The following DENND4C variants were observed in gnomAD, a reference collection of about 807,000 sequenced individuals.
DENND4C encodes DENN domain-containing protein 4C.
In DENND4C, 108 loss-of-function variants were observed where a neutral mutation model predicts 203.0. That is an observed-to-expected ratio of 0.53 (90% CI 0.46 to 0.62). The LOEUF (loss-of-function observed/expected upper bound fraction) is 0.62. Among genes scored for constraint, DENND4C ranks in the 20% least tolerant of loss-of-function variants. The probability of loss-of-function intolerance (pLI) is 0.00; values close to 1 mark genes in which losing one functional copy is unlikely to be tolerated. For synonymous variants in DENND4C, 871 were observed against 792.4 expected, an observed-to-expected ratio of 1.10 and a Z score of -1.67; for missense variants, 2,481 against 2,301.2, an observed-to-expected ratio of 1.08 and a Z score of -1.60.
chr9:19,294,920 G>C (rs1177614766), intron 5 of DENND4C, among the ~76,000 whole-genome samples: 3 of 152,164 alleles, frequency 2.0e-5, no homozygotes, highest in Non-Finnish European at 2.9e-5. Context: ...ACCATTTAAG[G>C]GTTACAGAGC....
In DENND4C at chr9:19,372,160, C is replaced by T. The variant is rs776423081; in HGVS notation, c.5864C>T (p.Ala1955Val). Residue 1955 changes from alanine to valine, a missense_variant, in exon 33 of 33, where the codon GCG becomes GTG. Transcript: ENST00000434457. ...SVEWCRKCFGAPLI is the reference protein window; with the variant it reads ...SVEWCRKCFGVPLI Reference sequence around the variant, plus strand: ...GAGTGGTGCAGGAAGTGTTTTGGAGCGCCTCTCATTTAAATAGAGATTCAC... The same window carrying T: ...GAGTGGTGCAGGAAGTGTTTTGGAGTGCCTCTCATTTAAATAGAGATTCAC... 31 of 1,611,222 alleles carry T rather than the reference C, an allele frequency of 1.9e-5. No homozygotes were observed. The highest frequency in any genetic ancestry group is 4.0e-5 in the African/African-American group (3 of 74,762).
intron 1 of DENND4C, among the ~76,000 whole-genome samples, chr9:19,249,197 G>C (rs1252220332): frequency 2.6e-5 from 4 of 151,814 alleles, no homozygotes; most frequent in Non-Finnish European, 1.5e-5. Context: ...TTAATTCCCA[G>C]CATTTAAAAC....
chr9:19,308,744 A>C (rs1339658275), intron 10 of DENND4C, among the ~76,000 whole-genome samples: 1 of 152,146 alleles, frequency 6.6e-6, no homozygotes, highest in Non-Finnish European at 1.5e-5. Flanking sequence ...TGAGGCCATG[A>C]AATACTATCA....
chr9:19,234,620 C>G, intron 1 of DENND4C, among the ~76,000 whole-genome samples: 1 of 150,900 alleles, frequency 6.6e-6, no homozygotes, highest in Non-Finnish European at 1.5e-5. Flanking sequence ...CCTCTACCTC[C>G]CGGGTTCATG....
At chr9:19,319,337 C>CTTAT (rs1165799900) in intron 12 of DENND4C, among the ~76,000 whole-genome samples, 1 of 71,516 alleles carries the variant, frequency 1.4e-5, no homozygotes, top group East Asian at 2.9e-4. Flanking sequence ...CATATATATA[C>CTTAT]ACATATATAT....
At chr9:19,362,606 T>C (rs910692845) in intron 30 of DENND4C, among the ~76,000 whole-genome samples, 1 of 152,220 alleles carries the variant, frequency 6.6e-6, no homozygotes, top group South Asian at 2.1e-4. Flanking sequence ...ACCTGTTTTT[T>C]AATTGTGACG....
chr9:19,285,184 C>G (rs889308046), intron 2 of DENND4C, among the ~76,000 whole-genome samples: 2 of 152,096 alleles, frequency 1.3e-5, no homozygotes, highest in African/African-American at 4.8e-5. Flanking sequence ...TCATGATAGA[C>G]TAGATTTTTC....
At chr9:19,321,120 T>C (rs1842808568) in intron 12 of DENND4C, among the ~76,000 whole-genome samples, 1 of 152,212 alleles carries the variant, frequency 6.6e-6, no homozygotes, top group Non-Finnish European at 1.5e-5. Context: ...GGATCAGATT[T>C]GCATTTTTTG....
intron 16 of DENND4C, 116 bp from the exon 17 acceptor site, chr9:19,331,862 T>G (rs1406026232): frequency 3.3e-6 from 3 of 905,186 alleles, no homozygotes; most frequent in African/African-American, 3.4e-5. Flanking sequence ...AACTTTGAAG[T>G]GCTTGATTTT....
intron 1 of DENND4C, among the ~76,000 whole-genome samples, chr9:19,247,828 C>T (rs7867897): frequency 0.22 from 32,832 of 152,150 alleles, 3,640 homozygotes; most frequent in African/African-American, 0.24. Flanking sequence ...ATGGTACTAT[C>T]GTTTACCCAC....
At chr9:19,262,183 T>G (rs1206498289) in intron 1 of DENND4C, among the ~76,000 whole-genome samples, 2 of 144,628 alleles carry the variant, frequency 1.4e-5, no homozygotes, top group African/African-American at 5.1e-5. Context: ...ACCTCCTGAG[T>G]TCAGGGGATT....
chr9:19,277,382 T>G (rs550562712), intron 2 of DENND4C, among the ~76,000 whole-genome samples: 1 of 152,336 alleles, frequency 6.6e-6, no homozygotes, highest in African/African-American at 2.4e-5. Context: ...ATTGTGTATT[T>G]TTTAAATCTG....
At chr9:19,253,302 T>G (rs1827106619) in intron 1 of DENND4C, among the ~76,000 whole-genome samples, 1 of 152,248 alleles carries the variant, frequency 6.6e-6, no homozygotes, top group Non-Finnish European at 1.5e-5. Flanking sequence ...TTCTCTCTAG[T>G]TCCCACAACT....
Position 19,372,927 on chromosome 9 carries a change from G to T in DENND4C, c.*754G>T, listed in dbSNP as rs1341417743. 6.6e-6 allele frequency: 1 copy of T among 151,502 alleles called. No individual in the cohort carries two copies. Among genetic ancestry groups the T allele is most frequent in the Admixed American group, 6.6e-5 (1 of 15,170 alleles). The allele number at this position is 151,502 out of a possible 1,614,324, so 9.4% of individuals were successfully genotyped here. ...GTTTGTATATGTGTAGGGCTGTGTA[G>T]GTATGTGTATATACAGCCATATTCT... On this transcript the variant is annotated 3_prime_UTR_variant, in exon 33 of 33. Transcript: ENST00000434457.
At chr9:19,300,148 T>C in intron 8 of DENND4C, 39 bp from the exon 9 acceptor site, 1 of 1,551,478 alleles carries the variant, frequency 6.4e-7, no homozygotes, top group South Asian at 1.2e-5. Flanking sequence ...TTCAGCAAAA[T>C]AGTTCACAAT....
At chr9:19,367,991 G>C (rs1828032315) in intron 30 of DENND4C, among the ~76,000 whole-genome samples, 2 of 152,164 alleles carry the variant, frequency 1.3e-5, no homozygotes, top group Non-Finnish European at 2.9e-5. Flanking sequence ...CTAAGGGGTT[G>C]AGATGGGGTT....
chr9:19,237,066 G>T (rs1412707817), intron 1 of DENND4C, among the ~76,000 whole-genome samples: 3 of 152,142 alleles, frequency 2.0e-5, no homozygotes, highest in African/African-American at 7.2e-5. Flanking sequence ...TGTTGCCCGG[G>T]CTGGAGTGCA....
In DENND4C at chr9:19,360,260, G is replaced by C; in HGVS notation, c.5177G>C (p.Arg1726Thr). 1 of 1,612,422 alleles carries C rather than the reference G, an allele frequency of 6.2e-7. No individual in the cohort carries two copies. Among genetic ancestry groups the C allele is most frequent in the Non-Finnish European group, 8.5e-7 (1 of 1,179,506 alleles). ...LQEVVDPLGK[R>T]PNPPPVSVPY... Reference sequence around the variant, plus strand: ...TTTTTTAAGGATCCTTTAGGAAAAAGACCCAATCCTCCCCCTGTTTCTGTG... The same window carrying C: ...TTTTTTAAGGATCCTTTAGGAAAAACACCCAATCCTCCCCCTGTTTCTGTG... The change falls in exon 29 of 33, where the codon AGA becomes ACA. Residue 1726 changes from arginine to threonine, a missense_variant. Arg to Thr is a moderately conservative substitution (Grantham distance 71, BLOSUM62 -1). Transcript: ENST00000434457.
Position 19,331,872 on chromosome 9 carries a change from T to C in DENND4C, c.2254-106T>C. ...AAGTCAACTTTGAAGTGCTTGATTTTAGGGGGTCAAGTTTTACTTAAATTC... is the reference window on the plus strand; with the variant it reads ...AAGTCAACTTTGAAGTGCTTGATTTCAGGGGGTCAAGTTTTACTTAAATTC... On this transcript the variant is annotated intron_variant, in intron 16 of 32. Coordinates refer to ENST00000434457, the MANE Select transcript of DENND4C (RefSeq NM_001330640.2). The C allele has an allele frequency of 6.7e-6, 7 of 1,051,524 alleles. No homozygotes were observed. In the South Asian group the frequency reaches 1.1e-4, roughly 17 times the overall value. 65.1% of individuals were successfully genotyped at this position (1,051,524 alleles called of 1,614,324 possible).
Sources: allele counts gnomAD v4.1 joint callset (sites outside exome capture counted in the v4.1 genomes callset), GRCh38; gene constraint gnomAD v4.1.1; transcripts MANE v1.5; gene names NCBI Gene and HGNC (gene_info 2026-07-23, HGNC 2026-07-21).